Variants in POLQ observed in about 807,000 individuals in gnomAD.
POLQ encodes the protein epididymis secretory sperm binding protein.
A neutral mutation model predicts 259.2 loss-of-function variants in POLQ; 233 were observed. The ratio of observed to expected loss-of-function variants is 0.90; its 90% confidence interval spans 0.81 to 1.00. The LOEUF (loss-of-function observed/expected upper bound fraction) is 1.00, where lower values mean the gene tolerates loss of function less well. POLQ is among the 50% of genes least tolerant of loss of function. The probability of loss-of-function intolerance (pLI) is 0.00; values close to 1 mark genes in which losing one functional copy is unlikely to be tolerated. For synonymous variants in POLQ, 1,025 were observed against 1,048.8 expected, an observed-to-expected ratio of 0.98 and a Z score of 0.44; for missense variants, 2,871 against 3,051.6, an observed-to-expected ratio of 0.94 and a Z score of 1.39.
chr3:121,494,705 A>C (rs1299426309), intron 14 of POLQ: 1 of 1,581,864 alleles, frequency 6.3e-7, no homozygotes, highest in Non-Finnish European at 8.6e-7. Context: ...GAAGACCTGC[A>C]CCACTGTCGC....
chr3:121,484,739 A>G (rs1230705133), intron 17 of POLQ, among the ~76,000 whole-genome samples: 1 of 151,988 alleles, frequency 6.6e-6, no homozygotes, highest in East Asian at 1.9e-4. Flanking sequence ...TGTCTCTACT[A>G]AAAAAATACA....
At chr3:121,448,423 A>C (rs1239235806) in intron 26 of POLQ, among the ~76,000 whole-genome samples, 1 of 151,854 alleles carries the variant, frequency 6.6e-6, no homozygotes, top group Non-Finnish European at 1.5e-5. Context: ...GCTGGAGTGC[A>C]ATGGCGTGAT....
rs1163933707 is a variant in POLQ at position 121,485,051 on chromosome 3, T to G, written c.5763A>C (p.Gln1921His). The G allele has an allele frequency of 1.2e-6, 2 of 1,611,020 alleles. No homozygotes were observed. The highest frequency in any genetic ancestry group is 3.4e-5 in the Admixed American group (2 of 59,168). The part of the protein sequence containing the change: ...DAYYFSLQKE[Q>H]KHSEISASLV... Reference sequence around the variant, plus strand: ...ATACTCATTACTTACCAGAATGCTTTTGTTCCTTCTGCAGTGAAAAATAAT... The same window carrying G: ...ATACTCATTACTTACCAGAATGCTTGTGTTCCTTCTGCAGTGAAAAATAAT... The change falls in exon 17 of 30, where the codon CAA becomes CAC. Residue 1921 changes from glutamine to histidine, a missense_variant. Coordinates refer to ENST00000264233, the MANE Select transcript of POLQ (RefSeq NM_199420.4).
At chr3:121,479,966 A>T (rs1190919835) in intron 19 of POLQ, among the ~76,000 whole-genome samples, 1 of 152,098 alleles carries the variant, frequency 6.6e-6, no homozygotes, top group Non-Finnish European at 1.5e-5. Flanking sequence ...AAGACTAGAA[A>T]ATTGGGAAAA....
intron 19 of POLQ, among the ~76,000 whole-genome samples, chr3:121,478,849 C>A (rs1046194858): frequency 6.6e-6 from 1 of 152,048 alleles, no homozygotes; most frequent in African/African-American, 2.4e-5. Context: ...ACATACACAC[C>A]TAATAAAGTG....
chr3:121,433,141 C>T, intron 28 of POLQ, 108 bp from the exon 29 acceptor site: 2 of 686,670 alleles, frequency 2.9e-6, no homozygotes, highest in Non-Finnish European at 5.3e-6. Context: ...AAGATTAAAA[C>T]ACACAAGAAT....
At chr3:121,501,332 A>G (rs2048165866) in intron 12 of POLQ, among the ~76,000 whole-genome samples, 1 of 151,974 alleles carries the variant, frequency 6.6e-6, no homozygotes, top group Non-Finnish European at 1.5e-5. Context: ...AGATAAACAA[A>G]ACCCGAGAAA....
chr3:121,497,396 A>G (rs1213002366), intron 13 of POLQ, among the ~76,000 whole-genome samples: 1 of 152,204 alleles, frequency 6.6e-6, no homozygotes, highest in Admixed American at 6.5e-5. Flanking sequence ...CATATTATAA[A>G]TAATATATTA....
intron 7 of POLQ, 84 bp downstream of exon 7, chr3:121,529,561 C>T: frequency 7.7e-7 from 1 of 1,290,968 alleles, no homozygotes; most frequent in Non-Finnish European, 1.1e-6. Context: ...GAACAAAAGC[C>T]ATGTTTTTGC....
rs1026395634 is a variant in POLQ at position 121,541,577 on chromosome 3, A to C, written c.344-98T>G. The C allele has an allele frequency of 7.6e-6, 8 of 1,056,146 alleles. No individual in the cohort carries two copies. In the African/African-American group the frequency reaches 1.1e-4, roughly 15 times the overall value. The allele number at this position is 1,056,146 out of a possible 1,614,324, so 65.4% of individuals were successfully genotyped here. On this transcript the variant is annotated intron_variant, in intron 2 of 29. Transcript: ENST00000264233. ...AGCCATGTGTAGTACTACAGAGCCT[A>C]AGGCTAACCAATCACTAAGGGCCCA...
At chr3:121,460,346 C>T in intron 24 of POLQ, 112 bp from the exon 25 acceptor site, 1 of 706,040 alleles carries the variant, frequency 1.4e-6, no homozygotes, top group Admixed American at 2.6e-5. Context: ...TAACTTAGAA[C>T]TTTGAAATCA....
At chr3:121,505,425 A>ATT (rs2048200812) in intron 12 of POLQ, among the ~76,000 whole-genome samples, 1 of 152,244 alleles carries the variant, frequency 6.6e-6, no homozygotes, top group East Asian at 1.9e-4. Context: ...AATGAAGGGA[A>ATT]ACTTGCCCTA....
In POLQ at chr3:121,545,935, G is replaced by A. The variant is rs756830315; in HGVS notation, c.-58C>T. 6.9e-6 allele frequency: 11 copies of A among 1,593,530 alleles called. No individual in the cohort carries two copies. The highest frequency in any genetic ancestry group is 7.7e-6 in the Non-Finnish European group (9 of 1,167,546). On this transcript the variant is annotated 5_prime_UTR_variant, in exon 1 of 30. Coordinates refer to ENST00000264233, the MANE Select transcript of POLQ (RefSeq NM_199420.4). Reference sequence around the variant, plus strand: ...ACAGTCCCAGCGTCCTCCCTCTCGGGAGAACCCTGGCCTGGCAACAGCTGC... The same window carrying A: ...ACAGTCCCAGCGTCCTCCCTCTCGGAAGAACCCTGGCCTGGCAACAGCTGC...
intron 26 of POLQ, among the ~76,000 whole-genome samples, chr3:121,447,345 A>AT (rs1447698957): frequency 6.6e-6 from 1 of 151,192 alleles, no homozygotes; most frequent in Admixed American, 6.6e-5. Context: ...TAATTTTTGT[A>AT]TTTTTTTGTA....
chr3:121,476,487 A>ACAC, intron 20 of POLQ, 53 bp downstream of exon 20: 1 of 1,222,998 alleles, frequency 8.2e-7, no homozygotes, highest in Non-Finnish European at 1.2e-6. Flanking sequence ...CACACACACA[A>ACAC]TCATTTTAAC....
chr3:121,496,974 G>A (rs200714201), intron 13 of POLQ, 42 bp from the exon 14 acceptor site: 174 of 1,605,736 alleles, frequency 1.1e-4, no homozygotes, highest in Middle Eastern at 3.3e-4. Context: ...GATCCTTCAC[G>A]TCTACTAGGC....
Position 121,545,972 on chromosome 3 carries a change from C to A in POLQ, c.-95G>T. ...CTGGCAACAGCTGCGGACATCTTCCCGCCAGTCTTCAAACTCAAACCTCCC... is the reference window on the plus strand; with the variant it reads ...CTGGCAACAGCTGCGGACATCTTCCAGCCAGTCTTCAAACTCAAACCTCCC... On this transcript the variant is annotated 5_prime_UTR_variant, in exon 1 of 30. Transcript: ENST00000264233. The A allele has an allele frequency of 2.1e-6, 3 of 1,458,428 alleles. No individual in the cohort carries two copies. The highest frequency in any genetic ancestry group is 2.8e-5 in the African/African-American group (2 of 71,838). 90.3% of individuals were successfully genotyped at this position (1,458,428 alleles called of 1,614,324 possible).
intron 25 of POLQ, among the ~76,000 whole-genome samples, chr3:121,457,974 T>G (rs1272563473): frequency 6.6e-6 from 1 of 152,154 alleles, no homozygotes; most frequent in East Asian, 1.9e-4. Flanking sequence ...AGCAAAGACT[T>G]GGAACCAACC....
chr3:121,457,006 A>C (rs2047744679), intron 25 of POLQ, among the ~76,000 whole-genome samples: 1 of 152,202 alleles, frequency 6.6e-6, no homozygotes, highest in South Asian at 2.1e-4. Context: ...ACAGTAACCA[A>C]AACAGCATGG....
Sources: allele counts gnomAD v4.1 joint callset (sites outside exome capture counted in the v4.1 genomes callset), GRCh38; gene constraint gnomAD v4.1.1; transcripts MANE v1.5; gene names NCBI Gene and HGNC (gene_info 2026-07-23, HGNC 2026-07-21).